DPP10: variants seen among roughly 807,000 people sequenced by gnomAD.
The protein encoded by DPP10 is dipeptidyl peptidase like 10.
In DPP10, 33 loss-of-function variants were observed where a neutral mutation model predicts 120.9. The ratio of observed to expected loss-of-function variants is 0.27; its 90% CI spans 0.21 to 0.37. The LOEUF is 0.37. Among genes scored for constraint, DPP10 ranks in the 10% least tolerant of loss-of-function variants. The pLI, the probability that DPP10 is intolerant of heterozygous loss-of-function variation, is 1.00. For missense variants in DPP10, 816 were observed against 942.8 expected, an observed-to-expected ratio of 0.87 and a Z score of 1.76; for synonymous variants, 337 against 326.1, an observed-to-expected ratio of 1.03 and a Z score of -0.36.
At chr2:114,886,022 A>G (rs1376127420) in intron 1 of DPP10, among the ~76,000 whole-genome samples, 3 of 152,196 alleles carry the variant, frequency 2.0e-5, no homozygotes, top group Non-Finnish European at 4.4e-5. Flanking sequence ...TCATTAATGT[A>G]GTTTATGAGA....
chr2:115,702,754 C>T (rs2091944016), intron 7 of DPP10, among the ~76,000 whole-genome samples: 2 of 152,014 alleles, frequency 1.3e-5, no homozygotes, highest in South Asian at 4.1e-4. Context: ...TGAGATAATG[C>T]AAATTTTATA....
At chr2:115,257,078 T>C (rs982089720) in intron 1 of DPP10, among the ~76,000 whole-genome samples, 1 of 152,198 alleles carries the variant, frequency 6.6e-6, no homozygotes, top group African/African-American at 2.4e-5. Flanking sequence ...AAGCGTGAAA[T>C]TTCACTGTCC....
chr2:114,690,455 T>C (rs1273826111), intron 1 of DPP10, among the ~76,000 whole-genome samples: 1 of 152,138 alleles, frequency 6.6e-6, no homozygotes, highest in East Asian at 1.9e-4. Flanking sequence ...TCTGTTCTTG[T>C]ACCCGTACCA....
intron 19 of DPP10, among the ~76,000 whole-genome samples, chr2:115,814,056 T>G (rs1686958831): frequency 1.3e-5 from 2 of 152,224 alleles, no homozygotes; most frequent in South Asian, 4.1e-4. Context: ...AATAAATATT[T>G]TAAGCTGACA....
At chr2:114,843,854 GC>G (rs1432125745) in intron 1 of DPP10, among the ~76,000 whole-genome samples, 12 of 151,948 alleles carry the variant, frequency 7.9e-5, no homozygotes, top group African/African-American at 2.9e-4. Context: ...ACAATGTCTG[GC>G]TTCCCAAGAC....
intron 1 of DPP10, among the ~76,000 whole-genome samples, chr2:114,497,266 CATGTACATGTATACGT>C (rs1682666028): frequency 9.7e-5 from 5 of 51,416 alleles, no homozygotes; most frequent in South Asian, 7.0e-4. Context: ...CGTGTGTATA[CATGTACATGTATACGT>C]GTATACATGT....
rs185797686 is a variant in DPP10 at position 114,997,571 on chromosome 2, T to A, written c.61-311668T>A. Reference sequence around the variant, plus strand: ...AACATTACCTTAAAAAAGTGTAATATTATAATAATCAAAATAGCCAAATTC... The same window carrying A: ...AACATTACCTTAAAAAAGTGTAATAATATAATAATCAAAATAGCCAAATTC... On this transcript the variant is annotated intron_variant, in intron 1 of 25. Coordinates refer to ENST00000410059, the MANE Select transcript of DPP10 (RefSeq NM_020868.6). Among the ~76,000 whole-genome samples the A allele has an allele frequency of 3.0e-3, 455 of 151,884 alleles. 2 individuals are homozygous for A. Among genetic ancestry groups the A allele is most frequent in the African/African-American group, 0.01 (428 of 41,482 alleles).
chr2:115,216,947 A>G (rs2056868688), intron 1 of DPP10, among the ~76,000 whole-genome samples: 1 of 152,042 alleles, frequency 6.6e-6, no homozygotes, highest in Admixed American at 6.6e-5. Context: ...GTCTAACTTA[A>G]CATCAAAAGT....
chr2:114,613,757 G>A (rs937248784), intron 1 of DPP10, among the ~76,000 whole-genome samples: 9 of 152,120 alleles, frequency 5.9e-5, no homozygotes, highest in African/African-American at 1.4e-4. Flanking sequence ...TGAAAATGTG[G>A]CACATATACA....
At chr2:115,803,294 C>T (rs1685493930) in intron 19 of DPP10, among the ~76,000 whole-genome samples, 1 of 152,134 alleles carries the variant, frequency 6.6e-6, no homozygotes, top group Non-Finnish European at 1.5e-5. Context: ...GTAGATCTTC[C>T]TCCATCCCTT....
At chr2:115,663,091 G>T (rs1437181653) in intron 5 of DPP10, among the ~76,000 whole-genome samples, 1 of 152,008 alleles carries the variant, frequency 6.6e-6, no homozygotes, top group Non-Finnish European at 1.5e-5. Flanking sequence ...TGTGAAATAA[G>T]CACATCATGG....
chr2:115,070,099 A>G (rs1248174749), intron 1 of DPP10, among the ~76,000 whole-genome samples: 1 of 152,164 alleles, frequency 6.6e-6, no homozygotes, highest in Non-Finnish European at 1.5e-5. Context: ...TAAAACAAAC[A>G]AACACAATGC....
In DPP10 at chr2:115,736,798, C is replaced by T. The variant is rs187675068; in HGVS notation, c.698-2941C>T. Reference sequence around the variant, plus strand: ...GGTAATGGTGGGAGCCAGAGGCTGACGGACATGTACTTGGCAGTCATCTTG... The same window carrying T: ...GGTAATGGTGGGAGCCAGAGGCTGATGGACATGTACTTGGCAGTCATCTTG... On this transcript the variant is annotated intron_variant, in intron 8 of 25. Transcript: ENST00000410059. Among the ~76,000 whole-genome samples the T allele has an allele frequency of 1.5e-3, 222 of 152,264 alleles. 1 individual carries two copies. Among genetic ancestry groups the T allele is most frequent in the Non-Finnish European group, 1.7e-3 (118 of 68,014 alleles).
At chr2:114,738,005 C>T (rs1677630751) in intron 1 of DPP10, among the ~76,000 whole-genome samples, 1 of 152,160 alleles carries the variant, frequency 6.6e-6, no homozygotes, top group Admixed American at 6.5e-5. Flanking sequence ...CCTTAGGAAA[C>T]TTACAATCAT....
chr2:115,236,566 C>G (rs964891049), intron 1 of DPP10, among the ~76,000 whole-genome samples: 1 of 152,170 alleles, frequency 6.6e-6, no homozygotes, highest in Non-Finnish European at 1.5e-5. Flanking sequence ...GGCATCTTTA[C>G]ACTGGAAGGG....
intron 1 of DPP10, among the ~76,000 whole-genome samples, chr2:114,496,244 C>T (rs1391428913): frequency 2.0e-5 from 3 of 151,990 alleles, no homozygotes; most frequent in African/African-American, 4.8e-5. Flanking sequence ...GAAGTCCAGA[C>T]CTTTGGATGG....
intron 1 of DPP10, among the ~76,000 whole-genome samples, chr2:114,653,635 G>T (rs1048609467): frequency 3.3e-5 from 5 of 152,166 alleles, no homozygotes. Flanking sequence ...GACTTCTGCA[G>T]AAAAGTTCTC....
intron 21 of DPP10, among the ~76,000 whole-genome samples, chr2:115,827,941 T>G (rs1325435930): frequency 6.6e-6 from 1 of 152,094 alleles, no homozygotes; most frequent in African/African-American, 2.4e-5. Flanking sequence ...AGTGTTTAAA[T>G]GTTTATATAT....
chr2:114,551,177 T>C (rs552101585), intron 1 of DPP10, among the ~76,000 whole-genome samples: 3 of 152,268 alleles, frequency 2.0e-5, no homozygotes, highest in East Asian at 1.9e-4. Context: ...ACCATCACAA[T>C]TATAAAAATT....
Sources: allele counts gnomAD v4.1 joint callset (sites outside exome capture counted in the v4.1 genomes callset), GRCh38; gene constraint gnomAD v4.1.1; transcripts MANE v1.5; gene names NCBI Gene and HGNC (gene_info 2026-07-23, HGNC 2026-07-21).